Variants in STX6 observed in about 807,000 individuals in gnomAD.
STX6 encodes syntaxin 6, also known as syntaxin-6.
A neutral mutation model predicts 38.0 loss-of-function variants in STX6; 23 were observed. The ratio of observed to expected loss-of-function variants is 0.60; its 90% CI spans 0.43 to 0.86. The LOEUF (loss-of-function observed/expected upper bound fraction) is 0.86. STX6 is among the 40% of genes least tolerant of loss of function. The pLI is 0.00. For synonymous variants in STX6, 123 were observed against 107.5 expected, an observed-to-expected ratio of 1.14 and a Z score of -0.89; for missense variants, 274 against 312.9, an observed-to-expected ratio of 0.88 and a Z score of 0.94.
chr1:180,976,232 A>G lies in STX6; in HGVS notation c.*338T>C. On this transcript the variant is annotated 3_prime_UTR_variant, in exon 8 of 8. Transcript: ENST00000258301. ...CTGCCAAAGATGCATGGAATGAGCA[A>G]CAGCAAAACACCAGTGGAGTCTGTA... 1 of 286,436 alleles carries G rather than the reference A, an allele frequency of 3.5e-6. No homozygotes were observed. Among genetic ancestry groups the G allele is most frequent in the Non-Finnish European group, 6.9e-6 (1 of 144,750 alleles). 17.7% of individuals were successfully genotyped at this position (286,436 alleles called of 1,614,324 possible).
intron 1 of STX6, among the ~76,000 whole-genome samples, chr1:181,008,398 T>C (rs375771021): frequency 9.8e-5 from 15 of 152,338 alleles, no homozygotes; most frequent in African/African-American, 3.6e-4. Context: ...CACCCCAATC[T>C]GAAAATCCAA....
At chr1:180,993,966 G>C (rs1655827755) in intron 3 of STX6, among the ~76,000 whole-genome samples, 1 of 152,158 alleles carries the variant, frequency 6.6e-6, no homozygotes. Flanking sequence ...CCAAATAGTG[G>C]TACAACAGGT....
At chr1:181,019,887 G>A (rs1338392033) in intron 1 of STX6, among the ~76,000 whole-genome samples, 1 of 152,164 alleles carries the variant, frequency 6.6e-6, no homozygotes, top group East Asian at 1.9e-4. Context: ...TGTAGGCCGG[G>A]CGCGGTGGCT....
At position 180,993,431 on chromosome 1, in the gene STX6, G is replaced by T; in HGVS notation, c.301-6C>A. The T allele has an allele frequency of 1.9e-6, 3 of 1,565,484 alleles. No homozygotes were observed. Among genetic ancestry groups the T allele is most frequent in the South Asian group, 2.3e-5 (2 of 87,786 alleles). The stretch of plus-strand genomic sequence containing the variant: ...GACATCTGATCTTTCATGTCCTAAT[G>T]AGAAAGAAGATACGAAAACAAATGA... On this transcript the variant is annotated splice_region_variant and splice_polypyrimidine_tract_variant and intron_variant, in intron 3 of 7. Transcript: ENST00000258301.
chr1:181,022,216 CG>C (rs1656751887), intron 1 of STX6, among the ~76,000 whole-genome samples: 1 of 152,046 alleles, frequency 6.6e-6, no homozygotes, highest in East Asian at 1.9e-4. Context: ...CCCGTCAACG[CG>C]AACTACAAAG....
At chr1:181,006,188 G>A (rs867465211) in intron 1 of STX6, among the ~76,000 whole-genome samples, 5 of 151,782 alleles carry the variant, frequency 3.3e-5, no homozygotes, top group South Asian at 2.1e-4. Context: ...TTAGCCTCCC[G>A]AGTAGCTGGG....
At position 180,974,135 on chromosome 1, in the gene STX6, T is replaced by C. The variant is rs1655190465; in HGVS notation, c.*2435A>G. On this transcript the variant is annotated 3_prime_UTR_variant, in exon 8 of 8. Transcript: ENST00000258301. ...AATAAATGTAGGTTCCCTGGATTGT[T>C]CTCTTTGGCTGCCACATTTGGAGCC... is the stretch of plus-strand genomic sequence containing the variant. 1.3e-5 allele frequency: 2 copies of C among 152,346 alleles called. No individual in the cohort carries two copies. The highest frequency in any genetic ancestry group is 4.1e-4 in the South Asian group (2 of 4,826). 9.4% of individuals were successfully genotyped at this position (152,346 alleles called of 1,614,324 possible).
chr1:180,980,959 T>C (rs1571324503), intron 7 of STX6, among the ~76,000 whole-genome samples: 1 of 152,134 alleles, frequency 6.6e-6, no homozygotes, highest in Non-Finnish European at 1.5e-5. Flanking sequence ...ATTCCAACCA[T>C]ATGCAAGCTG....
At chr1:181,022,532 C>T in intron 1 of STX6, 107 bp downstream of exon 1, 1 of 1,192,346 alleles carries the variant, frequency 8.4e-7, no homozygotes, top group Non-Finnish European at 1.2e-6. Context: ...GTTCCCCCTC[C>T]CCAGCTCCAA....
rs1430071936 is a variant in STX6 at position 180,975,358 on chromosome 1, G to T, written c.*1212C>A. 1 of 151,884 alleles carries T rather than the reference G, an allele frequency of 6.6e-6. No individual in the cohort carries two copies. The highest frequency in any genetic ancestry group is 1.5e-5 in the Non-Finnish European group (1 of 67,928). The allele number at this position is 151,884 out of a possible 1,614,324, so 9.4% of individuals were successfully genotyped here. A position where few individuals can be genotyped will look rare whatever the true frequency, so the allele number is the denominator to read the frequency against. ...TTTGAGGCATTTTAAAAAGTCATCAGAAGGTTAAAGTTTAGTGTCTCAGCA... is the reference window on the plus strand; with the variant it reads ...TTTGAGGCATTTTAAAAAGTCATCATAAGGTTAAAGTTTAGTGTCTCAGCA... On this transcript the variant is annotated 3_prime_UTR_variant, in exon 8 of 8. Coordinates refer to ENST00000258301, the MANE Select transcript of STX6 (RefSeq NM_005819.6).
intron 3 of STX6, 52 bp from the exon 4 acceptor site, chr1:180,993,477 C>A (rs1218960112): frequency 4.8e-6 from 5 of 1,039,576 alleles, no homozygotes; most frequent in Non-Finnish European, 7.4e-6. Flanking sequence ...TAAACAAAAT[C>A]ACAGTTAACA....
chr1:181,003,877 G>T (rs866703166), intron 2 of STX6, among the ~76,000 whole-genome samples: 49 of 152,324 alleles, frequency 3.2e-4, no homozygotes, highest in African/African-American at 1.1e-3. Context: ...TAGCAGAGCA[G>T]ATCTGCTTTT....
At chr1:180,989,938 T>TC (rs1558090004) in intron 5 of STX6, 46 bp downstream of exon 5, 4 of 1,608,372 alleles carry the variant, frequency 2.5e-6, no homozygotes, top group African/African-American at 2.7e-5. Context: ...TAAGGGGGTG[T>TC]CTTGTTTCCC....
At chr1:181,012,667 CCATTCTT>C (rs1656435948) in intron 1 of STX6, among the ~76,000 whole-genome samples, 3 of 119,192 alleles carry the variant, frequency 2.5e-5, no homozygotes. Flanking sequence ...TCAGATTCTT[CCATTCTT>C]TTTTTTTTTT....
At chr1:181,004,425 C>T (rs1364325361) in intron 2 of STX6, among the ~76,000 whole-genome samples, 1 of 152,194 alleles carries the variant, frequency 6.6e-6, no homozygotes, top group Non-Finnish European at 1.5e-5. Context: ...CTGCTTAACC[C>T]CACCCCAGGG....
chr1:181,006,908 A>T lies in STX6; in HGVS notation c.36-1445T>A, dbSNP rs1300050107. Reference sequence around the variant, plus strand: ...ATGGACAACAAATCTACCAACGTCTATTCATCTAGTTTAAGGCTTAGGCAA... The same window carrying T: ...ATGGACAACAAATCTACCAACGTCTTTTCATCTAGTTTAAGGCTTAGGCAA... On this transcript the variant is annotated intron_variant, in intron 1 of 7. Coordinates refer to ENST00000258301, the MANE Select transcript of STX6 (RefSeq NM_005819.6). Among the ~76,000 whole-genome samples the T allele has an allele frequency of 2.6e-5, 4 of 152,354 alleles. No individual in the cohort carries two copies. The East Asian group carries it at 7.7e-4, about 29-fold the overall frequency.
intron 4 of STX6, among the ~76,000 whole-genome samples, chr1:180,991,406 CTATGGA>C (rs1195019914): frequency 1.3e-5 from 2 of 152,136 alleles, no homozygotes; most frequent in Admixed American, 6.5e-5. Context: ...CTAAGGACCT[CTATGGA>C]AGACATGAGG....
chr1:181,005,996 A>C (rs1251661063), intron 1 of STX6, among the ~76,000 whole-genome samples: 1 of 152,198 alleles, frequency 6.6e-6, no homozygotes, highest in Non-Finnish European at 1.5e-5. Context: ...TTCAATTTCC[A>C]AACATTATTA....
At chr1:180,993,620 C>A (rs1655818068) in intron 3 of STX6, among the ~76,000 whole-genome samples, 195 bp from the exon 4 acceptor site, 1 of 151,926 alleles carries the variant, frequency 6.6e-6, no homozygotes. Flanking sequence ...AAAGAAGTAA[C>A]CTGGATACTA....
Sources: allele counts gnomAD v4.1 joint callset (sites outside exome capture counted in the v4.1 genomes callset), GRCh38; gene constraint gnomAD v4.1.1; transcripts MANE v1.5; gene names NCBI Gene and HGNC (gene_info 2026-07-23, HGNC 2026-07-21).